Variants in PRKCE observed in about 807,000 individuals in gnomAD.
PRKCE encodes the protein protein kinase C epsilon.
A neutral mutation model predicts 85.4 loss-of-function variants in PRKCE; 16 were observed. The observed-to-expected ratio is 0.19, with a 90% CI of 0.13 to 0.28. PRKCE has a LOEUF of 0.28. PRKCE is among the 10% of genes least tolerant of loss of function. PRKCE has a pLI of 1.00. For synonymous variants in PRKCE, 388 were observed against 371.5 expected, an observed-to-expected ratio of 1.04 and a Z score of -0.51; for missense variants, 573 against 975.2, an observed-to-expected ratio of 0.59 and a Z score of 5.49.
At chr2:46,055,733 G>A (rs572045654) in intron 10 of PRKCE, among the ~76,000 whole-genome samples, 96 of 152,020 alleles carry the variant, frequency 6.3e-4, no homozygotes, top group Admixed American at 1.0e-3. Flanking sequence ...CAAGATCACC[G>A]CTCACTGTAG....
At chr2:46,040,160 T>C (rs1321546218) in intron 10 of PRKCE, among the ~76,000 whole-genome samples, 1 of 152,214 alleles carries the variant, frequency 6.6e-6, no homozygotes, top group Non-Finnish European at 1.5e-5. Context: ...CTGAACACAA[T>C]GTCTGGCTCT....
intron 1 of PRKCE, among the ~76,000 whole-genome samples, chr2:45,752,820 G>A (rs1032600481): frequency 2.0e-5 from 3 of 152,138 alleles, no homozygotes; most frequent in African/African-American, 7.2e-5. Flanking sequence ...CAGAGACAGA[G>A]TACTCCGTGG....
chr2:45,668,008 T>G (rs1044807508), intron 1 of PRKCE, among the ~76,000 whole-genome samples: 2 of 152,202 alleles, frequency 1.3e-5, no homozygotes, highest in Non-Finnish European at 2.9e-5. Context: ...CTAATTGTGT[T>G]TGAAATAAAT....
intron 2 of PRKCE, among the ~76,000 whole-genome samples, chr2:45,918,859 G>T (rs999286413): frequency 6.6e-6 from 1 of 152,196 alleles, no homozygotes; most frequent in Non-Finnish European, 1.5e-5. Context: ...AGGACAGGCC[G>T]TATTATTGAA....
chr2:45,816,412 G>A (rs1689047100), intron 1 of PRKCE, among the ~76,000 whole-genome samples: 1 of 152,130 alleles, frequency 6.6e-6, no homozygotes, highest in Admixed American at 6.5e-5. Context: ...TGTTTTTCCT[G>A]GGGATGAGAC....
intron 1 of PRKCE, among the ~76,000 whole-genome samples, chr2:45,734,011 G>A (rs976902849): frequency 1.8e-4 from 28 of 152,192 alleles, no homozygotes; most frequent in African/African-American, 6.0e-4. Flanking sequence ...TGTATAGCAG[G>A]TGGCACCATG....
chr2:45,654,518 C>A (rs1158177883), intron 1 of PRKCE, among the ~76,000 whole-genome samples: 1 of 152,218 alleles, frequency 6.6e-6, no homozygotes, highest in Non-Finnish European at 1.5e-5. Flanking sequence ...CCGCCTGTTG[C>A]CCATGGCTTG....
At position 45,905,937 on chromosome 2, in the gene PRKCE, C is replaced by T. The variant is rs1696937829; in HGVS notation, c.412+62874C>T. On this transcript the variant is annotated intron_variant, in intron 2 of 14. Coordinates refer to ENST00000306156, the MANE Select transcript of PRKCE (RefSeq NM_005400.3). The surrounding 1 kb of genome is among the most constrained non-coding windows in gnomAD (Gnocchi z 4.4). ...TTGTGCGGGGTATGGTGTCTGCCCA[C>T]ATGAAGGGCCGGGGTGGGCAGGCTA... 6.6e-6 allele frequency among the ~76,000 whole-genome samples: 1 copy of T among 152,216 alleles called. No individual in the cohort carries two copies. Among genetic ancestry groups the T allele is most frequent in the African/African-American group, 2.4e-5 (1 of 41,446 alleles).
At chr2:45,794,849 C>CG (rs1553412994) in intron 1 of PRKCE, among the ~76,000 whole-genome samples, 5 of 150,968 alleles carry the variant, frequency 3.3e-5, no homozygotes, top group Non-Finnish European at 7.4e-5. Context: ...TGCCCTACCC[C>CG]CCCCCCCATC....
chr2:45,730,027 C>T (rs955468919), intron 1 of PRKCE, among the ~76,000 whole-genome samples: 2 of 152,094 alleles, frequency 1.3e-5, no homozygotes, highest in Admixed American at 6.5e-5. Context: ...GTTTTGAGTC[C>T]GTTGGTTAAC....
At chr2:46,079,850 C>T (rs901658310) in intron 10 of PRKCE, among the ~76,000 whole-genome samples, 2 of 152,212 alleles carry the variant, frequency 1.3e-5, no homozygotes, top group African/African-American at 4.8e-5. Context: ...GAAAATGGAG[C>T]CCAATGGGAA....
chr2:45,897,438 A>G (rs1696236419), intron 2 of PRKCE, among the ~76,000 whole-genome samples: 1 of 152,220 alleles, frequency 6.6e-6, no homozygotes, highest in African/African-American at 2.4e-5. Context: ...TTTTGTGCTA[A>G]TAGACATACA....
chr2:45,768,577 T>C (rs1685086271), intron 1 of PRKCE, among the ~76,000 whole-genome samples: 1 of 152,212 alleles, frequency 6.6e-6, no homozygotes, highest in Admixed American at 6.5e-5. Context: ...CAGTGAGGGC[T>C]GGGAGATGAT....
intron 13 of PRKCE, among the ~76,000 whole-genome samples, chr2:46,157,252 A>G (rs745675107): frequency 6.6e-5 from 10 of 152,220 alleles, no homozygotes; most frequent in Non-Finnish European, 1.0e-4. Flanking sequence ...CGAGTCCACC[A>G]GAACACCATG....
At chr2:45,676,781 C>T (rs1676474471) in intron 1 of PRKCE, 1 of 152,222 alleles carries the variant, frequency 6.6e-6, no homozygotes, top group Admixed American at 6.5e-5. Flanking sequence ...TCAAGTGTCT[C>T]CATTCTTTCC....
chr2:45,893,517 G>C lies in PRKCE; in HGVS notation c.412+50454G>C, dbSNP rs1312780144. On this transcript the variant is annotated intron_variant, in intron 2 of 14. Transcript: ENST00000306156. ...TGAGTAGCTGGGATTACAGGCACCC[G>C]CCACCACACCCAGCTAATTTTTGTA... Among the ~76,000 whole-genome samples the C allele has an allele frequency of 5.3e-5, 8 of 151,998 alleles. No homozygotes were observed. The East Asian group carries it at 1.5e-3, about 29-fold the overall frequency.
chr2:45,681,039 C>G (rs1340847203), intron 1 of PRKCE, among the ~76,000 whole-genome samples: 1 of 151,938 alleles, frequency 6.6e-6, no homozygotes, highest in African/African-American at 2.4e-5. Context: ...GCCTGTAATC[C>G]CAGCACTTTG....
At chr2:45,934,258 G>A (rs1699271984) in intron 2 of PRKCE, among the ~76,000 whole-genome samples, 1 of 152,144 alleles carries the variant, frequency 6.6e-6, no homozygotes. Context: ...ATAAATAATT[G>A]TAATGAAATC....
intron 11 of PRKCE, among the ~76,000 whole-genome samples, chr2:46,097,191 G>C (rs1008561849): frequency 6.6e-6 from 1 of 152,104 alleles, no homozygotes; most frequent in African/African-American, 2.4e-5. Context: ...TAACCAATGG[G>C]CTGGAAGGGC....
Sources: gnomAD v4.1 joint callset for allele counts (sites outside exome capture counted in the v4.1 genomes callset) on GRCh38, gnomAD v4.1.1 for gene constraint, Gnocchi (gnomAD v3.1) non-coding constraint, MANE v1.5 for transcripts, NCBI Gene and HGNC (gene_info 2026-07-23, HGNC 2026-07-21) for gene names.